The following VWA8 variants were observed in gnomAD, a reference collection of about 807,000 sequenced individuals.
VWA8 encodes von Willebrand factor A domain containing 8, also known as von Willebrand factor A domain-containing protein 8.
In VWA8, 221 loss-of-function variants were observed where a neutral mutation model predicts 241.5. The ratio of observed to expected loss-of-function variants is 0.91; its 90% CI spans 0.82 to 1.02. The LOEUF (loss-of-function observed/expected upper bound fraction) is 1.02. Ranked by LOEUF, VWA8 falls within the 50% of genes least tolerant of loss-of-function variation. The probability of loss-of-function intolerance (pLI) is 0.00; values close to 1 mark genes in which losing one functional copy is unlikely to be tolerated. For synonymous variants in VWA8, 852 were observed against 827.1 expected, an observed-to-expected ratio of 1.03 and a Z score of -0.52; for missense variants, 2,322 against 2,328.7, an observed-to-expected ratio of 1.00 and a Z score of 0.06.
chr13:41,872,616 T>C (rs1222556677), intron 9 of VWA8, among the ~76,000 whole-genome samples: 5 of 152,340 alleles, frequency 3.3e-5, no homozygotes, highest in African/African-American at 4.8e-5. Context: ...CAGACAGTTG[T>C]AGATATATGG....
Position 41,692,867 on chromosome 13 carries a change from C to T in VWA8, c.3670G>A (p.Glu1224Lys). Residue 1224 changes from glutamate to lysine, a missense_variant, in exon 30 of 45, where the codon GAA (glutamate) becomes AAA (lysine). Coordinates refer to ENST00000379310, the MANE Select transcript of VWA8 (RefSeq NM_015058.2). ...SKKPFWWNKE[E>K]AETYKMCKEF... Reference sequence around the variant, plus strand: ...ACAAATGTGGTGTTTCTTACAGCTTCTTCTTTGTTCCACCAGAAAGGTTTC... The same window carrying T: ...ACAAATGTGGTGTTTCTTACAGCTTTTTCTTTGTTCCACCAGAAAGGTTTC... The T allele has an allele frequency of 6.2e-7, 1 of 1,608,640 alleles. No individual in the cohort carries two copies. The highest frequency in any genetic ancestry group is 8.5e-7 in the Non-Finnish European group (1 of 1,176,602).
intron 38 of VWA8, among the ~76,000 whole-genome samples, 174 bp from the exon 39 acceptor site, chr13:41,611,906 C>T (rs1348561507): frequency 1.3e-5 from 2 of 152,112 alleles, no homozygotes; most frequent in African/African-American, 4.8e-5. Context: ...GATGCTTTTC[C>T]TTTTTCCCAT....
intron 2 of VWA8, among the ~76,000 whole-genome samples, chr13:41,922,866 A>G (rs530717555): frequency 6.6e-6 from 1 of 152,368 alleles, no homozygotes; most frequent in Admixed American, 6.5e-5. Context: ...CCATTGTGGA[A>G]GACAGTGTGG....
intron 21 of VWA8, among the ~76,000 whole-genome samples, chr13:41,758,497 TATATATGGA>T (rs535358872): frequency 1.2e-3 from 168 of 144,816 alleles, no homozygotes; most frequent in Non-Finnish European, 2.2e-3. Flanking sequence ...ATATATTCCA[TATATATGGA>T]ATATATGGAA....
At chr13:41,938,422 G>A (rs2138149167) in intron 2 of VWA8, among the ~76,000 whole-genome samples, 1 of 152,204 alleles carries the variant, frequency 6.6e-6, no homozygotes, top group South Asian at 2.1e-4. Flanking sequence ...GGAGGCCAAG[G>A]CAGGCAGATC....
chr13:41,668,589 C>T (rs1364709781), intron 37 of VWA8, among the ~76,000 whole-genome samples: 1 of 152,008 alleles, frequency 6.6e-6, no homozygotes, highest in African/African-American at 2.4e-5. Flanking sequence ...TACTGTTGCC[C>T]CTGGAATGAC....
chr13:41,779,910 AG>A (rs1193360408), intron 19 of VWA8, among the ~76,000 whole-genome samples: 2 of 152,212 alleles, frequency 1.3e-5, no homozygotes, highest in African/African-American at 4.8e-5. Context: ...CTAAGGCTAA[AG>A]TCACCGCCAA....
chr13:41,799,799 C>A (rs1869866780), intron 17 of VWA8, among the ~76,000 whole-genome samples: 1 of 152,088 alleles, frequency 6.6e-6, no homozygotes, highest in South Asian at 2.1e-4. Context: ...AGATATCACA[C>A]AATTCACCTA....
intron 3 of VWA8, among the ~76,000 whole-genome samples, chr13:41,908,865 TAA>T (rs1308210499): frequency 1.3e-5 from 2 of 152,192 alleles, no homozygotes; most frequent in African/African-American, 4.8e-5. Context: ...CTGAGTTACT[TAA>T]GTATAATGGA....
At position 41,671,123 on chromosome 13, in the gene VWA8, G is replaced by C. The variant is rs2045020081; in HGVS notation, c.4434C>G (p.Thr1478=). ...IPRSESLSPY[T]TWLSTISDTD... is the part of the protein sequence containing the mutation. ...TGTCTGAAATGGTCGACAGCCATGT[G>C]GTATACGGCGAGAGAGATTCTGATC... is the stretch of plus-strand genomic sequence containing the variant. The change falls in exon 37 of 45, where the codon ACC becomes ACG. Residue 1478 remains threonine (T), a synonymous_variant. Coordinates refer to ENST00000379310, the MANE Select transcript of VWA8 (RefSeq NM_015058.2). 6.2e-7 allele frequency: 1 copy of C among 1,613,636 alleles called. No homozygotes were observed. The highest frequency in any genetic ancestry group is 1.3e-5 in the African/African-American group (1 of 74,868).
At chr13:41,693,009 G>GT (rs779761063) in intron 29 of VWA8, 37 bp from the exon 30 acceptor site, 10 of 1,057,700 alleles carry the variant, frequency 9.5e-6, no homozygotes, top group South Asian at 3.3e-5. Flanking sequence ...CTCAAGATTT[G>GT]TTCTTTTTTT....
chr13:41,890,207 T>C (rs1164828844), intron 5 of VWA8, among the ~76,000 whole-genome samples: 1 of 152,218 alleles, frequency 6.6e-6, no homozygotes, highest in Middle Eastern at 3.2e-3. Context: ...TGGCATTCAT[T>C]ATTTAGGGCC....
intron 20 of VWA8, among the ~76,000 whole-genome samples, chr13:41,772,977 A>G (rs1171135200): frequency 6.6e-6 from 1 of 152,236 alleles, no homozygotes; most frequent in Admixed American, 6.5e-5. Flanking sequence ...AAACATCTCT[A>G]GATATAATTT....
chr13:41,630,929 G>A (rs1253674309), intron 37 of VWA8, among the ~76,000 whole-genome samples: 1 of 152,126 alleles, frequency 6.6e-6, no homozygotes, highest in African/African-American at 2.4e-5. Context: ...CCACAGTAAA[G>A]TGTCATCTGA....
chr13:41,891,133 A>G (rs540741781), intron 5 of VWA8, among the ~76,000 whole-genome samples: 1 of 152,204 alleles, frequency 6.6e-6, no homozygotes, highest in South Asian at 2.1e-4. Flanking sequence ...GGAGATGGGA[A>G]AAGAGGAAGA....
intron 12 of VWA8, among the ~76,000 whole-genome samples, chr13:41,856,889 A>T (rs1026380873): frequency 2.0e-5 from 3 of 151,912 alleles, no homozygotes; most frequent in Admixed American, 6.6e-5. Context: ...CCATTATAAT[A>T]GCATCTCCCA....
chr13:41,936,698 T>C (rs889622139), intron 2 of VWA8, among the ~76,000 whole-genome samples: 5 of 152,326 alleles, frequency 3.3e-5, no homozygotes, highest in African/African-American at 9.6e-5. Flanking sequence ...ATAGTGACTA[T>C]AGTTATTAAC....
chr13:41,742,520 C>T (rs2045576482), intron 21 of VWA8, among the ~76,000 whole-genome samples: 1 of 152,072 alleles, frequency 6.6e-6, no homozygotes, highest in African/African-American at 2.4e-5. Context: ...CATTCTAAAA[C>T]ATACAAAAAT....
chr13:41,839,023 T>A (rs1871871524), intron 12 of VWA8, among the ~76,000 whole-genome samples: 1 of 152,194 alleles, frequency 6.6e-6, no homozygotes, highest in Non-Finnish European at 1.5e-5. Context: ...GTAATGGGAT[T>A]GCTGGGTCAA....
Sources: allele counts gnomAD v4.1 joint callset (sites outside exome capture counted in the v4.1 genomes callset), GRCh38; gene constraint gnomAD v4.1.1; transcripts MANE v1.5; gene names NCBI Gene and HGNC (gene_info 2026-07-23, HGNC 2026-07-21).